The following ASXL2 variants were observed in gnomAD, a reference collection of about 807,000 sequenced individuals.
ASXL2 encodes putative Polycomb group protein ASXL2.
In ASXL2, 23 loss-of-function variants were observed where a neutral mutation model predicts 122.0. That is an observed-to-expected ratio of 0.19 (90% CI 0.14 to 0.27). The LOEUF (loss-of-function observed/expected upper bound fraction) is 0.27, where lower values mean the gene tolerates loss of function less well. ASXL2 is among the 10% of genes least tolerant of loss of function. The probability of loss-of-function intolerance (pLI) is 1.00; values close to 1 mark genes in which losing one functional copy is unlikely to be tolerated. For missense variants in ASXL2, 1,518 were observed against 1,713.8 expected (o/e 0.89, Z 2.02); for synonymous variants, 650 against 637.0 (o/e 1.02, Z -0.31).
At chr2:25,764,321 G>T (rs2088305282) in intron 8 of ASXL2, among the ~76,000 whole-genome samples, 1 of 152,116 alleles carries the variant, frequency 6.6e-6, no homozygotes, top group African/African-American at 2.4e-5. Context: ...ACATTCCAAT[G>T]TATACACCAG....
chr2:25,757,671 T>A (rs1161085356), intron 9 of ASXL2, among the ~76,000 whole-genome samples: 6 of 20,276 alleles, frequency 3.0e-4, no homozygotes, highest in African/African-American at 1.4e-3. Flanking sequence ...GGAGACTCCA[T>A]CTCAAAAAAA....
At chr2:25,793,024 G>A (rs578032973) in intron 5 of ASXL2, among the ~76,000 whole-genome samples, 3 of 152,002 alleles carry the variant, frequency 2.0e-5, no homozygotes, top group East Asian at 2.0e-4. Flanking sequence ...AAGCTGAGGC[G>A]GGCAGATCAC....
In ASXL2 at chr2:25,744,457, G is replaced by A. The variant is rs779096017; in HGVS notation, c.1880C>T (p.Ser627Phe). Residue 627 changes from serine to phenylalanine, a missense_variant, in exon 13 of 13, where the codon TCC (serine) becomes TTC (phenylalanine). Transcript: ENST00000435504. The surrounding 1 kb of genome is among the most constrained non-coding windows in gnomAD (Gnocchi z 4.7). ...CTGCGATGGATGAAACGGCATGGGGGAGATTCTGGAGACCGGGATCTGAAA... is the reference window on the plus strand; with the variant it reads ...CTGCGATGGATGAAACGGCATGGGGAAGATTCTGGAGACCGGGATCTGAAA... ...PPLKIPVSRI[S>F]PMPFHPSQVS... The A allele has an allele frequency of 2.5e-6, 4 of 1,598,598 alleles. No individual in the cohort carries two copies. The South Asian group carries it at 3.4e-5, about 13-fold the overall frequency.
chr2:25,743,780 C>T lies in ASXL2; in HGVS notation c.2557G>A (p.Gly853Ser). 6.2e-7 allele frequency: 1 copy of T among 1,614,000 alleles called. No individual in the cohort carries two copies. Among genetic ancestry groups the T allele is most frequent in the South Asian group, 1.1e-5 (1 of 91,072 alleles). Reference sequence around the variant, plus strand: ...GGACCTGCTTTGAGCTCAACTGTGCCATCAGCTGCACAATGAACAGGTGAG... The same window carrying T: ...GGACCTGCTTTGAGCTCAACTGTGCTATCAGCTGCACAATGAACAGGTGAG... ...GASPVHCAAD[G>S]TVELKAGPSK... Residue 853 changes from glycine to serine, a missense_variant, in exon 13 of 13, where the codon GGC becomes AGC. By Grantham distance (56) the Gly-to-Ser change is moderately conservative (BLOSUM62 0). Coordinates refer to ENST00000435504, the MANE Select transcript of ASXL2 (RefSeq NM_018263.6).
chr2:25,870,619 C>A (rs1232310169), intron 1 of ASXL2, among the ~76,000 whole-genome samples: 2 of 152,024 alleles, frequency 1.3e-5, no homozygotes, highest in East Asian at 3.9e-4. Context: ...CTTCAGTAAG[C>A]CGTGATTGAA....
chr2:25,835,113 C>T (rs2089494087), intron 3 of ASXL2, among the ~76,000 whole-genome samples: 1 of 152,144 alleles, frequency 6.6e-6, no homozygotes, highest in Non-Finnish European at 1.5e-5. Context: ...GTGTGAGCCA[C>T]CATGCCCAGC....
At position 25,788,073 on chromosome 2, in the gene ASXL2, T is replaced by A. The variant is rs1031283909; in HGVS notation, c.403+11312A>T. ...GTCCAGAAACCAAACCATAACTATA[T>A]GGTCAATTGACTTATGACAGAGAAC... is the stretch of plus-strand genomic sequence containing the variant. On this transcript the variant is annotated intron_variant, in intron 5 of 12. Coordinates refer to ENST00000435504, the MANE Select transcript of ASXL2 (RefSeq NM_018263.6). Among the ~76,000 whole-genome samples, 8 of 152,190 alleles carry A rather than the reference T, an allele frequency of 5.3e-5. No homozygotes were observed. The East Asian group carries it at 1.5e-3, about 29-fold the overall frequency.
chr2:25,856,977 C>T, intron 1 of ASXL2: 1 of 391,066 alleles, frequency 2.6e-6, no homozygotes. Flanking sequence ...TAGAATAATG[C>T]CAAATAACAG....
chr2:25,859,650 ACT>A (rs1233941436), intron 1 of ASXL2, among the ~76,000 whole-genome samples: 3 of 152,204 alleles, frequency 2.0e-5, no homozygotes, highest in East Asian at 3.8e-4. Flanking sequence ...GGAGCTAAAG[ACT>A]CTGCAAAGTA....
chr2:25,742,670 T>A lies in ASXL2; in HGVS notation c.3667A>T (p.Ser1223Cys). 1 of 1,614,000 alleles carries A rather than the reference T, an allele frequency of 6.2e-7. No homozygotes were observed. Among genetic ancestry groups the A allele is most frequent in the Non-Finnish European group, 8.5e-7 (1 of 1,179,888 alleles). Residue 1223 changes from serine (S) to cysteine (C), a missense_variant, in exon 13 of 13, where the codon AGT becomes TGT. Ser to Cys is a moderately radical substitution (Grantham distance 112, BLOSUM62 -1). Transcript: ENST00000435504. ...GPHSRETLST[S>C]DCLASKNVKA... ...ACATTCTTGCTAGCTAAGCAATCAC[T>A]GGTAGATAGAGTTTCCCTGCTGTGA...
At position 25,764,148 on chromosome 2, in the gene ASXL2, C is replaced by G. The variant is rs111509152; in HGVS notation, c.775+3435G>C. Among the ~76,000 whole-genome samples, 146 of 152,302 alleles carry G rather than the reference C, an allele frequency of 9.6e-4. 2 individuals carry two copies. Among genetic ancestry groups the G allele is most frequent in the South Asian group, 2.3e-3 (11 of 4,824 alleles). ...AAATAAAAACAAAGGTTTCTACATTCAAACCCAACCTTCCTGCCAGAAATG... is the reference window on the plus strand; with the variant it reads ...AAATAAAAACAAAGGTTTCTACATTGAAACCCAACCTTCCTGCCAGAAATG... On this transcript the variant is annotated intron_variant, in intron 8 of 12. Transcript: ENST00000435504.
intron 3 of ASXL2, among the ~76,000 whole-genome samples, chr2:25,834,968 G>A (rs563484971): frequency 7.2e-5 from 11 of 152,038 alleles, no homozygotes; most frequent in South Asian, 4.2e-4. Context: ...GATTACGGGC[G>A]CCGGCCACCA....
rs1032569671 is a variant in ASXL2, at chr2:25,759,500, G to T, written c.921C>A (p.Leu307=). 6.2e-7 allele frequency: 1 copy of T among 1,613,838 alleles called. No homozygotes were observed. Among genetic ancestry groups the T allele is most frequent in the Non-Finnish European group, 8.5e-7 (1 of 1,179,806 alleles). Residue 307 remains leucine (L), a synonymous_variant, in exon 9 of 13, where the codon CTC becomes CTA. Coordinates refer to ENST00000435504, the MANE Select transcript of ASXL2 (RefSeq NM_018263.6). ...GACGCACCTGTCGATCTACCTCTGG[G>T]AGTAGTAAAAGCAGTCGTTGCTGGC... is the stretch of plus-strand genomic sequence containing the variant. ...GDCQQRLLLL[L]PEVDRQVGPD... is the part of the protein sequence containing the mutation.
chr2:25,856,014 C>T (rs1389326154), intron 1 of ASXL2, among the ~76,000 whole-genome samples: 1 of 151,784 alleles, frequency 6.6e-6, no homozygotes, highest in African/African-American at 2.4e-5. Flanking sequence ...TGACCTCAGC[C>T]TCCCGAGTAG....
chr2:25,779,228 C>A (rs973325951), intron 5 of ASXL2, among the ~76,000 whole-genome samples: 2 of 151,058 alleles, frequency 1.3e-5, no homozygotes, highest in African/African-American at 4.9e-5. Context: ...TCCCGAGTAT[C>A]TGGGATTACA....
chr2:25,743,379 C>T lies in ASXL2; in HGVS notation c.2958G>A (p.Glu986=), dbSNP rs770221321. ...EMKTVPLTAK[E]ERGMGALIAT... ...CTATGAGCGCTCCCATCCCCCTTTC[C>T]TCTTTTGCAGTCAGTGGAACCGTTT... Residue 986 remains glutamate, a synonymous_variant, in exon 13 of 13, where the codon GAG becomes GAA. Coordinates refer to ENST00000435504, the MANE Select transcript of ASXL2 (RefSeq NM_018263.6). 111 of 1,613,942 alleles carry T rather than the reference C, an allele frequency of 6.9e-5. 1 individual carries two copies. Among genetic ancestry groups the T allele is most frequent in the Non-Finnish European group, 5.9e-6 (7 of 1,179,898 alleles).
intron 5 of ASXL2, among the ~76,000 whole-genome samples, chr2:25,792,953 C>T (rs1436431565): frequency 2.0e-5 from 3 of 150,080 alleles, no homozygotes; most frequent in African/African-American, 4.9e-5. Flanking sequence ...TTCAGAAAAA[C>T]ATTTAAAACA....
chr2:25,810,447 C>T, intron 3 of ASXL2: 1 of 707,670 alleles, frequency 1.4e-6, no homozygotes, highest in South Asian at 1.4e-5. Context: ...GGGCAGTGGC[C>T]ACGTGCTCCT....
At chr2:25,753,487 A>G (rs539656321) in intron 11 of ASXL2, 47 bp downstream of exon 11, 13 of 1,392,124 alleles carry the variant, frequency 9.3e-6, no homozygotes, top group Admixed American at 1.8e-5. Context: ...TACATGACTT[A>G]TATGTAGGAA....
Sources: allele counts gnomAD v4.1 joint callset (sites outside exome capture counted in the v4.1 genomes callset), GRCh38; gene constraint gnomAD v4.1.1; non-coding constraint Gnocchi (gnomAD v3.1); transcripts MANE v1.5; gene names NCBI Gene and HGNC (gene_info 2026-07-23, HGNC 2026-07-21).